The following CDH13 variants were observed in gnomAD, a reference collection of about 807,000 sequenced individuals.
CDH13 encodes the protein cadherin-13.
In CDH13, 24 loss-of-function variants were observed where a neutral mutation model predicts 63.8. That is an observed-to-expected ratio of 0.38 (90% CI 0.27 to 0.53). The LOEUF (loss-of-function observed/expected upper bound fraction) is 0.53, where lower values mean the gene tolerates loss of function less well. Among genes scored for constraint, CDH13 ranks in the 20% least tolerant of loss-of-function variants. The pLI, the probability that CDH13 is intolerant of heterozygous loss-of-function variation, is 0.85. For synonymous variants in CDH13, 503 were observed against 355.3 expected, an observed-to-expected ratio of 1.42 and a Z score of -4.67; for missense variants, 1,049 against 903.1, an observed-to-expected ratio of 1.16 and a Z score of -2.07.
chr16:83,245,173 T>C (rs1161045450), intron 5 of CDH13, among the ~76,000 whole-genome samples: 1 of 152,132 alleles, frequency 6.6e-6, no homozygotes, highest in Non-Finnish European at 1.5e-5. Context: ...ATCAACCAAT[T>C]TTAAGCTGCT....
chr16:82,882,774 C>A (rs144035853), intron 2 of CDH13, among the ~76,000 whole-genome samples: 2 of 151,936 alleles, frequency 1.3e-5, no homozygotes, highest in Admixed American at 6.6e-5. Context: ...TTTATTCATA[C>A]GCTTGGTAAG....
At chr16:83,666,021 A>T (rs1361557458) in intron 8 of CDH13, among the ~76,000 whole-genome samples, 1 of 152,224 alleles carries the variant, frequency 6.6e-6, no homozygotes, top group African/African-American at 2.4e-5. Flanking sequence ...TAGTCCCAAC[A>T]GGCCACAGTG....
intron 7 of CDH13, among the ~76,000 whole-genome samples, chr16:83,585,150 T>A (rs961319783): frequency 6.6e-6 from 1 of 152,200 alleles, no homozygotes; most frequent in Non-Finnish European, 1.5e-5. Flanking sequence ...GCTTCCTGTG[T>A]GCCATACCCT....
chr16:83,413,843 T>C (rs777248263), intron 6 of CDH13, among the ~76,000 whole-genome samples: 3 of 151,852 alleles, frequency 2.0e-5, no homozygotes, highest in African/African-American at 7.3e-5. Context: ...CAAAAAAAAT[T>C]TGCTAGGTGT....
At chr16:82,683,701 C>G (rs929162451) in intron 1 of CDH13, among the ~76,000 whole-genome samples, 1 of 152,184 alleles carries the variant, frequency 6.6e-6, no homozygotes, top group African/African-American at 2.4e-5. Flanking sequence ...TCTTACTGTC[C>G]TATTCACCAA....
intron 6 of CDH13, among the ~76,000 whole-genome samples, chr16:83,357,636 G>A (rs1023446486): frequency 1.3e-5 from 2 of 152,146 alleles, no homozygotes; most frequent in Non-Finnish European, 2.9e-5. Flanking sequence ...AACTGGCATC[G>A]AGCGGGCCAA....
intron 7 of CDH13, among the ~76,000 whole-genome samples, chr16:83,500,214 A>T: frequency 6.8e-6 from 1 of 148,142 alleles, no homozygotes; most frequent in Non-Finnish European, 1.5e-5. Flanking sequence ...TTGAATTCAG[A>T]CACTAGTTTC....
intron 2 of CDH13, among the ~76,000 whole-genome samples, chr16:82,977,154 C>A (rs1909631099): frequency 6.6e-6 from 1 of 152,156 alleles, no homozygotes; most frequent in Non-Finnish European, 1.5e-5. Context: ...CAAAATTGAG[C>A]TCCATTTTGA....
intron 6 of CDH13, among the ~76,000 whole-genome samples, chr16:83,420,415 C>T (rs189780757): frequency 1.3e-5 from 2 of 152,176 alleles, no homozygotes; most frequent in Admixed American, 6.5e-5. Context: ...GTACCAAGGA[C>T]AGCTCCCTAG....
chr16:83,064,137 G>A (rs1457332238), intron 3 of CDH13, among the ~76,000 whole-genome samples: 6 of 152,124 alleles, frequency 3.9e-5, no homozygotes, highest in African/African-American at 7.2e-5. Context: ...TTGGGAGGCC[G>A]AGGTGGGCAG....
At chr16:82,981,216 A>G (rs1910218248) in intron 2 of CDH13, among the ~76,000 whole-genome samples, 1 of 152,230 alleles carries the variant, frequency 6.6e-6, no homozygotes, top group South Asian at 2.1e-4. Context: ...CCGTTTCACC[A>G]GCATATCTCA....
intron 5 of CDH13, among the ~76,000 whole-genome samples, chr16:83,340,886 T>TA (rs955071973): frequency 6.6e-6 from 1 of 152,164 alleles, no homozygotes; most frequent in Non-Finnish European, 1.5e-5. Context: ...ACTTTTTTTT[T>TA]AATATCACAC....
intron 6 of CDH13, among the ~76,000 whole-genome samples, chr16:83,354,222 C>G (rs994414960): frequency 6.6e-6 from 1 of 152,244 alleles, no homozygotes; most frequent in African/African-American, 2.4e-5. Context: ...CCGTTGGATC[C>G]TATCCCTGAT....
chr16:83,457,132 G>C (rs1027409631), intron 6 of CDH13, among the ~76,000 whole-genome samples: 4 of 152,176 alleles, frequency 2.6e-5, no homozygotes, highest in African/African-American at 9.7e-5. Context: ...ACCGGCCCAA[G>C]CTCTGCCACG....
chr16:83,186,276 C>G (rs945459021), intron 4 of CDH13, among the ~76,000 whole-genome samples: 2 of 151,900 alleles, frequency 1.3e-5, no homozygotes, highest in African/African-American at 2.4e-5. Context: ...GTAGCTGGGA[C>G]TACGGGCACA....
intron 7 of CDH13, among the ~76,000 whole-genome samples, chr16:83,552,990 A>C (rs1469835921): frequency 6.6e-6 from 1 of 151,948 alleles, no homozygotes; most frequent in Non-Finnish European, 1.5e-5. Flanking sequence ...GAGGCAGGAG[A>C]ATCACTTGAA....
At chr16:82,635,184 G>C (rs1049836638) in intron 1 of CDH13, among the ~76,000 whole-genome samples, 4 of 152,176 alleles carry the variant, frequency 2.6e-5, no homozygotes, top group Non-Finnish European at 5.9e-5. Flanking sequence ...TACTCCCAGG[G>C]CTTAGAACAG....
chr16:82,928,602 G>T lies in CDH13; in HGVS notation c.157+70129G>T, dbSNP rs550312301. Among the ~76,000 whole-genome samples the T allele has an allele frequency of 3.3e-4, 50 of 152,280 alleles. 1 individual carries two copies. The South Asian group carries it at 9.3e-3, about 28-fold the overall frequency. On this transcript the variant is annotated intron_variant, in intron 2 of 13. Transcript: ENST00000567109. Reference sequence around the variant, plus strand: ...CATTTCTCTTAAGACCTTATCTGGAGAATTATGTTTTTTCAACATAAATAA... The same window carrying T: ...CATTTCTCTTAAGACCTTATCTGGATAATTATGTTTTTTCAACATAAATAA...
chr16:83,378,018 A>C (rs2091488637), intron 6 of CDH13, among the ~76,000 whole-genome samples: 1 of 152,178 alleles, frequency 6.6e-6, no homozygotes. Context: ...AGAGCTGAGC[A>C]AGAGGAGGGC....
Sources: gnomAD v4.1 joint callset for allele counts (sites outside exome capture counted in the v4.1 genomes callset) on GRCh38, gnomAD v4.1.1 for gene constraint, MANE v1.5 for transcripts, NCBI Gene and HGNC (gene_info 2026-07-23, HGNC 2026-07-21) for gene names.